NFAM1: variants seen among roughly 807,000 people sequenced by gnomAD.
NFAM1 encodes the protein NFAT activating protein with ITAM motif 1.
In NFAM1, 17 loss-of-function variants were observed where a neutral mutation model predicts 29.0. The ratio of observed to expected loss-of-function variants is 0.59; its 90% CI spans 0.40 to 0.88. NFAM1 has a LOEUF of 0.88. Ranked by LOEUF, NFAM1 falls within the 40% of genes least tolerant of loss-of-function variation. The pLI is 0.00. For synonymous variants in NFAM1, 175 were observed against 147.2 expected (o/e 1.19, Z -1.36); for missense variants, 324 against 344.6 (o/e 0.94, Z 0.47).
chr22:42,428,551 C>A (rs1930698757), intron 1 of NFAM1, among the ~76,000 whole-genome samples: 1 of 152,142 alleles, frequency 6.6e-6, no homozygotes, highest in South Asian at 2.1e-4. Context: ...AAGCAATTCT[C>A]CTGCCTCAGC....
At chr22:42,407,205 C>T (rs1226717615) in intron 3 of NFAM1, among the ~76,000 whole-genome samples, 1 of 151,856 alleles carries the variant, frequency 6.6e-6, no homozygotes, top group African/African-American at 2.4e-5. Context: ...CCTCAGCCTC[C>T]TGAGTAGCTG....
intron 3 of NFAM1, among the ~76,000 whole-genome samples, chr22:42,406,000 G>A (rs1353742931): frequency 6.6e-6 from 1 of 152,098 alleles, no homozygotes; most frequent in South Asian, 2.1e-4. Context: ...TTGGAAAAGC[G>A]ATGACATCCC....
At chr22:42,404,637 C>G (rs554035982) in intron 3 of NFAM1, among the ~76,000 whole-genome samples, 32 of 152,228 alleles carry the variant, frequency 2.1e-4, no homozygotes, top group African/African-American at 7.0e-4. Flanking sequence ...CTGCAGATCT[C>G]CTGATGTCAG....
At chr22:42,386,243 G>C (rs898239271) in intron 5 of NFAM1, among the ~76,000 whole-genome samples, 7 of 151,848 alleles carry the variant, frequency 4.6e-5, no homozygotes, top group Non-Finnish European at 1.0e-4. Context: ...GCACAGGGGC[G>C]GGCGCCTGTA....
At chr22:42,410,476 T>G (rs769206984) in intron 2 of NFAM1, 27 of 384,852 alleles carry the variant, frequency 7.0e-5, no homozygotes, top group Middle Eastern at 8.1e-4. Flanking sequence ...CTGGCCAACA[T>G]GGCGAAATCT....
At chr22:42,421,400 G>A (rs558088565) in intron 1 of NFAM1, among the ~76,000 whole-genome samples, 2 of 147,812 alleles carry the variant, frequency 1.4e-5, no homozygotes, top group Non-Finnish European at 3.0e-5. Flanking sequence ...AGCCGAGATC[G>A]CATCATTGCA....
chr22:42,420,492 G>A (rs1265439250), intron 1 of NFAM1, among the ~76,000 whole-genome samples: 1 of 150,074 alleles, frequency 6.7e-6, no homozygotes, highest in Admixed American at 6.6e-5. Context: ...CAGGCTGGGT[G>A]CAGTGGGTCA....
chr22:42,409,327 G>A lies in NFAM1; in HGVS notation c.564+108C>T, dbSNP rs1481439814. ...GCCACGAGGGCCACCTGTTACAGAT[G>A]TGGATGTGCCCTCACCAGGGCCCAC... On this transcript the variant is annotated intron_variant, in intron 3 of 5. Coordinates refer to ENST00000329021, the MANE Select transcript of NFAM1 (RefSeq NM_145912.8). The surrounding 1 kb of genome is among the most constrained non-coding windows in gnomAD (Gnocchi z 4.9). The A allele has an allele frequency of 5.6e-6, 3 of 533,530 alleles. No homozygotes were observed. The African/African-American group carries it at 5.9e-5, about 10-fold the overall frequency. 33.0% of individuals were successfully genotyped at this position (533,530 alleles called of 1,614,324 possible).
Position 42,419,234 on chromosome 22 carries a change from C to G in NFAM1, c.122-7498G>C, listed in dbSNP as rs1470082420. On this transcript the variant is annotated intron_variant, in intron 1 of 5. Transcript: ENST00000329021. The surrounding 1 kb of genome is among the most constrained non-coding windows in gnomAD (Gnocchi z 4.5). ...CCCCCATCCCTCCAACTCAACAGCT[C>G]CCATCCAGTCCCCTCTCCTGCCCAA... Among the ~76,000 whole-genome samples the G allele has an allele frequency of 1.3e-5, 2 of 152,066 alleles. No homozygotes were observed. Among genetic ancestry groups the G allele is most frequent in the East Asian group, 1.9e-4 (1 of 5,152 alleles).
chr22:42,395,010 C>T (rs1929470217), intron 4 of NFAM1, among the ~76,000 whole-genome samples: 1 of 151,978 alleles, frequency 6.6e-6, no homozygotes, highest in African/African-American at 2.4e-5. Context: ...CTTGTCTCTA[C>T]AAAAAATTAA....
intron 4 of NFAM1, among the ~76,000 whole-genome samples, chr22:42,396,954 G>A (rs928175503): frequency 1.3e-5 from 2 of 151,616 alleles, no homozygotes; most frequent in African/African-American, 4.9e-5. Context: ...TGCACCTGGG[G>A]AGCGTGCACC....
intron 1 of NFAM1, among the ~76,000 whole-genome samples, chr22:42,431,283 G>A (rs532369793): frequency 6.6e-6 from 1 of 152,280 alleles, no homozygotes; most frequent in South Asian, 2.1e-4. Context: ...GCCAGTACGT[G>A]CCCTGCTAAG....
intron 1 of NFAM1, among the ~76,000 whole-genome samples, chr22:42,423,377 G>A (rs1930512778): frequency 6.6e-6 from 1 of 151,966 alleles, no homozygotes; most frequent in African/African-American, 2.4e-5. Flanking sequence ...GTCATTATTT[G>A]GTTTTTAAAT....
chr22:42,393,114 T>C lies in NFAM1; in HGVS notation c.663+4744A>G, dbSNP rs1219497713. On this transcript the variant is annotated intron_variant, in intron 4 of 5. Transcript: ENST00000329021. ...AATTGAAGTAGTAAAGCTTTTTTTT[T>C]CATGTCATAATATGCCATGAGCACT... is the stretch of plus-strand genomic sequence containing the variant. 3.3e-5 allele frequency among the ~76,000 whole-genome samples: 5 copies of C among 152,160 alleles called. No homozygotes were observed. The East Asian group carries it at 9.6e-4, about 29-fold the overall frequency.
chr22:42,403,250 G>A (rs960058774), intron 3 of NFAM1, among the ~76,000 whole-genome samples: 1 of 152,224 alleles, frequency 6.6e-6, no homozygotes, highest in Non-Finnish European at 1.5e-5. Flanking sequence ...AAGTGGCAGA[G>A]CTGGAACTGA....
chr22:42,411,465 G>A lies in NFAM1; in HGVS notation c.393C>T (p.Cys131=), dbSNP rs145016901. The A allele has an allele frequency of 1.5e-5, 25 of 1,614,064 alleles. No homozygotes were observed. The highest frequency in any genetic ancestry group is 2.1e-5 in the Non-Finnish European group (25 of 1,180,030). The change falls in exon 2 of 6, where the codon TGC becomes TGT. Residue 131 remains cysteine, a synonymous_variant. Transcript: ENST00000329021. ...PGASATGTYY[C]SVHWPHSTVR... ...CCGTGGAGTGTGGCCAGTGGACAGA[G>A]CAGTAGTAGGTGCCAGTGGCCGATG...
At chr22:42,428,261 C>A (rs1930687407) in intron 1 of NFAM1, among the ~76,000 whole-genome samples, 1 of 152,154 alleles carries the variant, frequency 6.6e-6, no homozygotes, top group Non-Finnish European at 1.5e-5. Flanking sequence ...ACTCCGCGGG[C>A]AGCCTTTCCA....
At chr22:42,431,781 C>CG (rs1460653379) in intron 1 of NFAM1, among the ~76,000 whole-genome samples, 1 of 150,756 alleles carries the variant, frequency 6.6e-6, no homozygotes, top group Non-Finnish European at 1.5e-5. Flanking sequence ...GGTATCCCCC[C>CG]CTCCCCCCTC....
At chr22:42,430,244 C>T (rs1930751964) in intron 1 of NFAM1, among the ~76,000 whole-genome samples, 3 of 149,690 alleles carry the variant, frequency 2.0e-5, no homozygotes, top group Admixed American at 1.3e-4. Context: ...GCCTGGTGGA[C>T]GGAGCGAGAC....
Sources: gnomAD v4.1 joint callset for allele counts (sites outside exome capture counted in the v4.1 genomes callset) on GRCh38, gnomAD v4.1.1 for gene constraint, Gnocchi (gnomAD v3.1) non-coding constraint, MANE v1.5 for transcripts, NCBI Gene and HGNC (gene_info 2026-07-23, HGNC 2026-07-21) for gene names.